Variants in HTR1F observed in about 807,000 individuals in gnomAD.
HTR1F encodes 5-hydroxytryptamine receptor 1F, also known as 5-hydroxytryptamine (serotonin) receptor 1F, G protein-coupled.
Under a neutral mutation model 24.0 loss-of-function variants are expected in HTR1F, and 17 were observed. The ratio of observed to expected loss-of-function variants is 0.71; its 90% CI spans 0.48 to 1.06. The LOEUF is 1.06. Ranked by LOEUF, HTR1F falls within the 50% of genes least tolerant of loss-of-function variation. HTR1F has a pLI of 0.00. For missense variants in HTR1F, 391 were observed against 427.8 expected (o/e 0.91, Z 0.76); for synonymous variants, 186 against 156.8 (o/e 1.19, Z -1.39).
intron 2 of HTR1F, among the ~76,000 whole-genome samples, chr3:87,896,019 A>G (rs976432872): frequency 6.6e-5 from 10 of 152,206 alleles, no homozygotes; most frequent in African/African-American, 2.4e-4. Context: ...TTGAATTAGA[A>G]ACAGTTTTTA....
At chr3:87,852,100 G>A (rs994799359) in intron 2 of HTR1F, among the ~76,000 whole-genome samples, 3 of 151,330 alleles carry the variant, frequency 2.0e-5, no homozygotes, top group African/African-American at 7.3e-5. Flanking sequence ...TACTTTCATG[G>A]GCATTTCCCT....
intron 2 of HTR1F, among the ~76,000 whole-genome samples, chr3:87,988,965 T>G (rs1323094470): frequency 2.0e-5 from 3 of 151,818 alleles, no homozygotes; most frequent in African/African-American, 7.2e-5. Flanking sequence ...TTAAGTATTT[T>G]AAAGTATTAA....
At chr3:87,832,863 C>T (rs1416536061) in intron 2 of HTR1F, among the ~76,000 whole-genome samples, 1 of 152,128 alleles carries the variant, frequency 6.6e-6, no homozygotes, top group Non-Finnish European at 1.5e-5. Flanking sequence ...GAATGAAAAG[C>T]CTCTGGATAG....
intron 2 of HTR1F, among the ~76,000 whole-genome samples, chr3:87,944,538 G>A (rs1374652238): frequency 1.3e-5 from 2 of 152,202 alleles, no homozygotes; most frequent in Admixed American, 6.5e-5. Context: ...GTTCCTCCTA[G>A]GTCTGGTCGG....
intron 2 of HTR1F, among the ~76,000 whole-genome samples, chr3:87,932,907 G>T (rs1704317318): frequency 6.6e-6 from 1 of 150,956 alleles, no homozygotes; most frequent in Non-Finnish European, 1.5e-5. Flanking sequence ...CCAAAAAAGA[G>T]AATTTTAGAC....
chr3:87,951,091 C>T (rs1263124319), intron 2 of HTR1F, among the ~76,000 whole-genome samples: 2 of 152,076 alleles, frequency 1.3e-5, no homozygotes, highest in East Asian at 1.9e-4. Context: ...ATCCAACAGG[C>T]AACCTCCGAA....
chr3:87,805,855 A>G (rs1575889560), intron 1 of HTR1F, among the ~76,000 whole-genome samples: 1 of 152,134 alleles, frequency 6.6e-6, no homozygotes, highest in Admixed American at 6.6e-5. Flanking sequence ...TATAGTTACC[A>G]TACTCTGCTA....
chr3:87,817,366 AAC>A (rs1559593159), intron 1 of HTR1F, among the ~76,000 whole-genome samples: 3 of 152,204 alleles, frequency 2.0e-5, no homozygotes, highest in Non-Finnish European at 4.4e-5. Context: ...ATTATACAAA[AAC>A]AGTCAATACC....
intron 2 of HTR1F, among the ~76,000 whole-genome samples, chr3:87,943,825 C>T (rs1376468951): frequency 6.6e-6 from 1 of 152,134 alleles, no homozygotes; most frequent in African/African-American, 2.4e-5. Context: ...GGCGGTACTG[C>T]AGAAGAATAT....
At chr3:87,963,595 T>G (rs1375289860) in intron 2 of HTR1F, among the ~76,000 whole-genome samples, 1 of 152,140 alleles carries the variant, frequency 6.6e-6, no homozygotes. Context: ...TTCTATGCCT[T>G]TTGACATTTC....
intron 2 of HTR1F, among the ~76,000 whole-genome samples, chr3:87,849,365 C>A (rs903435748): frequency 6.6e-6 from 1 of 151,466 alleles, no homozygotes; most frequent in Non-Finnish European, 1.5e-5. Context: ...GGAAAGGATT[C>A]CCTATTTAAT....
intron 1 of HTR1F, among the ~76,000 whole-genome samples, chr3:87,820,457 T>A (rs999387557): frequency 1.3e-5 from 2 of 152,114 alleles, no homozygotes; most frequent in African/African-American, 4.8e-5. Flanking sequence ...ATTACAGGCG[T>A]GAGCCACCGC....
At chr3:87,830,749 A>T (rs1704557607) in intron 2 of HTR1F, among the ~76,000 whole-genome samples, 1 of 152,200 alleles carries the variant, frequency 6.6e-6, no homozygotes, top group Admixed American at 6.5e-5. Flanking sequence ...AGAGAGCTCT[A>T]ACTGTGAACA....
Position 87,991,079 on chromosome 3 carries a change from C to T in HTR1F, c.330C>T (p.Ser110=), listed in dbSNP as rs756783902. Residue 110 remains serine (S), a synonymous_variant, in exon 3 of 3, where the codon TCC becomes TCT. Transcript: ENST00000319595. ...LSVDITCCTC[S]ILHLSAIALD... ...TTGACATTACCTGCTGCACGTGCTC[C>T]ATCTTGCATCTCTCAGCTATAGCTT... 5 of 1,613,888 alleles carry T rather than the reference C, an allele frequency of 3.1e-6. 1 individual carries two copies. The South Asian group carries it at 5.5e-5, about 18-fold the overall frequency.
chr3:87,960,105 C>G (rs9842136), intron 2 of HTR1F, among the ~76,000 whole-genome samples: 30,531 of 151,672 alleles, frequency 0.2, 3,693 homozygotes, highest in African/African-American at 0.35. Flanking sequence ...TTTAAAATCC[C>G]AACGCCTCTG....
rs551466755 is a variant in HTR1F, at chr3:87,949,463, T to C, written c.-42-41245T>C. On this transcript the variant is annotated intron_variant, in intron 2 of 2. Coordinates refer to ENST00000319595, the MANE Select transcript of HTR1F (RefSeq NM_001322209.2). ...CTCCTGTAAAGGAATACAAATTTCC[T>C]TCAAGTCTGATGTATGCGTTAGGGA... Among the ~76,000 whole-genome samples the C allele has an allele frequency of 1.3e-4, 20 of 152,288 alleles. No homozygotes were observed. In the East Asian group the frequency reaches 2.7e-3, roughly 21 times the overall value.
chr3:87,849,972 G>C (rs1236744011), intron 2 of HTR1F, among the ~76,000 whole-genome samples: 1 of 151,928 alleles, frequency 6.6e-6, no homozygotes, highest in African/African-American at 2.4e-5. Flanking sequence ...GTGCTGGAGA[G>C]GATGTGGAGA....
Position 87,921,728 on chromosome 3 carries a change from G to A in HTR1F, c.-42-68980G>A, listed in dbSNP as rs113528546. 5.2e-3 allele frequency among the ~76,000 whole-genome samples: 783 copies of A among 151,620 alleles called. 3 individuals are homozygous for A. Among genetic ancestry groups the A allele is most frequent in the Admixed American group, 0.012 (176 of 15,184 alleles). ...CAACATCTCCTTATCCACTCTCCTCGCTACCCTTCCCAGGCTATAGTAACA... is the reference window on the plus strand; with the variant it reads ...CAACATCTCCTTATCCACTCTCCTCACTACCCTTCCCAGGCTATAGTAACA... On this transcript the variant is annotated intron_variant, in intron 2 of 2. Transcript: ENST00000319595.
intron 2 of HTR1F, among the ~76,000 whole-genome samples, chr3:87,928,618 C>A (rs1415985443): frequency 6.6e-6 from 1 of 152,130 alleles, no homozygotes; most frequent in African/African-American, 2.4e-5. Flanking sequence ...TTATGTGAAC[C>A]ATTACTATCA....
Sources: gnomAD v4.1 joint callset for allele counts (sites outside exome capture counted in the v4.1 genomes callset) on GRCh38, gnomAD v4.1.1 for gene constraint, MANE v1.5 for transcripts, NCBI Gene and HGNC (gene_info 2026-07-23, HGNC 2026-07-21) for gene names.